Variants in SNX29 observed in about 807,000 individuals in gnomAD.
SNX29 encodes sorting nexin-29.
In SNX29, 78 loss-of-function variants were observed where a neutral mutation model predicts 102.1. That is an observed-to-expected ratio of 0.76 (90% CI 0.64 to 0.92). The LOEUF is 0.92. Among genes scored for constraint, SNX29 ranks in the 40% least tolerant of loss-of-function variants. The pLI is 0.00. For missense variants in SNX29, 1,280 were observed against 1,061.7 expected, an observed-to-expected ratio of 1.21 and a Z score of -2.86; for synonymous variants, 580 against 414.5, an observed-to-expected ratio of 1.40 and a Z score of -4.85.
At chr16:12,411,417 C>T (rs1046167570) in intron 18 of SNX29, among the ~76,000 whole-genome samples, 2 of 152,190 alleles carry the variant, frequency 1.3e-5, no homozygotes, top group Admixed American at 6.5e-5. Context: ...CTAGCTGTTC[C>T]TGGAATGCTC....
intron 20 of SNX29, among the ~76,000 whole-genome samples, chr16:12,559,025 C>T (rs1297723543): frequency 2.0e-5 from 3 of 152,124 alleles, no homozygotes; most frequent in Non-Finnish European, 4.4e-5. Context: ...CAAAAGACTC[C>T]TTTTAAGTAA....
chr16:12,290,418 A>AC (rs2079755275), intron 15 of SNX29, among the ~76,000 whole-genome samples: 1 of 151,508 alleles, frequency 6.6e-6, no homozygotes, highest in Non-Finnish European at 1.5e-5. Flanking sequence ...TTCTCAAATC[A>AC]CCCCACTGCA....
intron 1 of SNX29, among the ~76,000 whole-genome samples, chr16:11,988,246 A>C (rs2055708401): frequency 6.6e-6 from 1 of 150,746 alleles, no homozygotes; most frequent in Non-Finnish European, 1.5e-5. Context: ...GTGAGCCAAG[A>C]TCATGCCACT....
At chr16:12,036,196 T>C (rs56166842) in intron 4 of SNX29, among the ~76,000 whole-genome samples, 50,992 of 151,974 alleles carry the variant, frequency 0.34, 9,776 homozygotes, top group Non-Finnish European at 0.43. Context: ...TGCTTCCGCC[T>C]CCCAAGTAGC....
At chr16:12,438,499 C>A (rs893786601) in intron 18 of SNX29, among the ~76,000 whole-genome samples, 1 of 152,150 alleles carries the variant, frequency 6.6e-6, no homozygotes, top group Non-Finnish European at 1.5e-5. Context: ...TTGATCTCAA[C>A]CTCTGTCCAA....
At chr16:12,537,572 CTTTGT>C (rs916966904) in intron 20 of SNX29, among the ~76,000 whole-genome samples, 4 of 152,156 alleles carry the variant, frequency 2.6e-5, no homozygotes, top group Non-Finnish European at 4.4e-5. Context: ...GCAATTTTGA[CTTTGT>C]TTTTACTTCT....
chr16:12,540,495 GGC>G (rs2077282460), intron 20 of SNX29, among the ~76,000 whole-genome samples: 1 of 152,226 alleles, frequency 6.6e-6, no homozygotes, highest in African/African-American at 2.4e-5. Context: ...CGGCAGGGCT[GGC>G]GCCTTCTCGA....
At chr16:12,445,614 G>C (rs573517089) in intron 18 of SNX29, among the ~76,000 whole-genome samples, 1 of 152,164 alleles carries the variant, frequency 6.6e-6, no homozygotes, top group Non-Finnish European at 1.5e-5. Flanking sequence ...TTCTTCCCAG[G>C]TCCACCTAAG....
chr16:12,014,566 C>CT (rs1567527159), intron 3 of SNX29, among the ~76,000 whole-genome samples: 1 of 151,808 alleles, frequency 6.6e-6, no homozygotes, highest in African/African-American at 2.4e-5. Context: ...AACCCTGTCT[C>CT]TACTAAAAAT....
intron 15 of SNX29, among the ~76,000 whole-genome samples, chr16:12,319,871 G>C (rs1216403749): frequency 6.6e-6 from 1 of 152,180 alleles, no homozygotes; most frequent in African/African-American, 2.4e-5. Flanking sequence ...TTTCCTGGAA[G>C]GCAAGAACTG....
chr16:12,366,233 C>T (rs2082476090), intron 16 of SNX29, among the ~76,000 whole-genome samples: 1 of 152,058 alleles, frequency 6.6e-6, no homozygotes, highest in African/African-American at 2.4e-5. Context: ...CACGGGGGTG[C>T]TCCGTGCTTC....
At chr16:12,168,585 G>A (rs2076071022) in intron 13 of SNX29, among the ~76,000 whole-genome samples, 1 of 152,176 alleles carries the variant, frequency 6.6e-6, no homozygotes, top group South Asian at 2.1e-4. Flanking sequence ...ACCTTGGAAT[G>A]TGCCTTGGCC....
chr16:12,490,136 G>A (rs954157229), intron 19 of SNX29, among the ~76,000 whole-genome samples: 11 of 152,108 alleles, frequency 7.2e-5, no homozygotes, highest in Admixed American at 2.6e-4. Context: ...TTGAGGTATA[G>A]CATACCTCCA....
chr16:12,266,503 C>CCTGTCA (rs1208747728), intron 14 of SNX29, among the ~76,000 whole-genome samples: 1 of 152,082 alleles, frequency 6.6e-6, no homozygotes, highest in Non-Finnish European at 1.5e-5. Context: ...CAGAACAACA[C>CCTGTCA]CTGTCACTTA....
At chr16:12,439,947 C>A (rs747279881) in intron 18 of SNX29, among the ~76,000 whole-genome samples, 1 of 152,186 alleles carries the variant, frequency 6.6e-6, no homozygotes. Flanking sequence ...CTGGCCAAAC[C>A]GTCCAGCTGG....
chr16:12,520,882 G>C (rs1367281664), intron 19 of SNX29, among the ~76,000 whole-genome samples: 1 of 152,182 alleles, frequency 6.6e-6, no homozygotes, highest in East Asian at 1.9e-4. Flanking sequence ...GGGGGCACTA[G>C]AGTTTCAGAA....
At chr16:12,531,123 C>G (rs210724) in intron 20 of SNX29, among the ~76,000 whole-genome samples, 51 of 152,070 alleles carry the variant, frequency 3.4e-4, no homozygotes, top group Non-Finnish European at 6.3e-4. Flanking sequence ...CCCACCCTCT[C>G]ATACCAATTT....
At chr16:12,333,380 C>A (rs2081353196) in intron 15 of SNX29, among the ~76,000 whole-genome samples, 1 of 152,070 alleles carries the variant, frequency 6.6e-6, no homozygotes, top group South Asian at 2.1e-4. Flanking sequence ...GTTGGGATTA[C>A]AGACGTGAGC....
At chr16:12,320,015 A>G (rs2151170334) in intron 15 of SNX29, among the ~76,000 whole-genome samples, 1 of 152,270 alleles carries the variant, frequency 6.6e-6, no homozygotes, top group Middle Eastern at 3.4e-3. Context: ...ACGTGGCTGC[A>G]TCTCGTCACT....
Sources: gnomAD v4.1 joint callset for allele counts (sites outside exome capture counted in the v4.1 genomes callset) on GRCh38, gnomAD v4.1.1 for gene constraint, MANE v1.5 for transcripts, NCBI Gene and HGNC (gene_info 2026-07-23, HGNC 2026-07-21) for gene names.